The following ZNF804A variants were observed in gnomAD, a reference collection of about 807,000 sequenced individuals.
ZNF804A encodes zinc finger protein 804A.
Under a neutral mutation model 16.5 loss-of-function variants are expected in ZNF804A, and 2 were observed. The observed-to-expected ratio is 0.12, with a 90% CI of 0.05 to 0.38. ZNF804A has a LOEUF of 0.38. Among genes scored for constraint, ZNF804A ranks in the 10% least tolerant of loss-of-function variants. The pLI is 0.99. For missense variants in ZNF804A, 1,473 were observed against 1,390.7 expected (o/e 1.06, Z -0.94); for synonymous variants, 534 against 489.6 (o/e 1.09, Z -1.20).
chr2:184,789,815 C>T (rs1478954320), intron 1 of ZNF804A, among the ~76,000 whole-genome samples: 1 of 151,944 alleles, frequency 6.6e-6, no homozygotes, highest in South Asian at 2.1e-4. Flanking sequence ...TTTATTTAAT[C>T]TGTTTCATTC....
At chr2:184,684,598 T>TG (rs1692598292) in intron 1 of ZNF804A, among the ~76,000 whole-genome samples, 1 of 152,158 alleles carries the variant, frequency 6.6e-6, no homozygotes, top group Non-Finnish European at 1.5e-5. Context: ...TTTTACATAC[T>TG]GGGGGGTACA....
intron 1 of ZNF804A, among the ~76,000 whole-genome samples, chr2:184,799,557 C>T (rs1004518029): frequency 6.6e-6 from 1 of 152,000 alleles, no homozygotes; most frequent in Non-Finnish European, 1.5e-5. Context: ...GGTTTCACTC[C>T]TGTTGCCCAA....
chr2:184,689,115 T>C (rs1245187747), intron 1 of ZNF804A, among the ~76,000 whole-genome samples: 2 of 152,166 alleles, frequency 1.3e-5, no homozygotes, highest in Non-Finnish European at 1.5e-5. Flanking sequence ...CTGTGTTATG[T>C]GTTATTCCAT....
At chr2:184,895,002 T>C (rs895757098) in intron 2 of ZNF804A, among the ~76,000 whole-genome samples, 1 of 152,162 alleles carries the variant, frequency 6.6e-6, no homozygotes, top group African/African-American at 2.4e-5. Flanking sequence ...AAGTTCAAGA[T>C]TATTTACTGT....
intron 1 of ZNF804A, among the ~76,000 whole-genome samples, chr2:184,781,503 A>G (rs1694370813): frequency 6.6e-6 from 1 of 151,740 alleles, no homozygotes; most frequent in South Asian, 2.1e-4. Flanking sequence ...TAATAACACA[A>G]TGGTTTAAGT....
At position 184,665,900 on chromosome 2, in the gene ZNF804A, G is replaced by A. The variant is rs1267651377; in HGVS notation, c.111+66830G>A. The stretch of plus-strand genomic sequence containing the variant: ...GACGCCTCCTCTATCACATCCCTCT[G>A]GATTCCTTTCCTGCCTCCTTCTTCC... On this transcript the variant is annotated intron_variant, in intron 1 of 3. Transcript: ENST00000302277. Among the ~76,000 whole-genome samples, 3 of 152,068 alleles carry A rather than the reference G, an allele frequency of 2.0e-5. 1 individual carries two copies. Among genetic ancestry groups the A allele is most frequent in the Middle Eastern group, 6.3e-3 (2 of 316 alleles).
chr2:184,938,096 G>A lies in ZNF804A; in HGVS notation c.2700G>A (p.Met900Ile), dbSNP rs192749004. ...ATGGTGAAACTGAGCATTTAGAAAT[G>A]GAGACCACTTCTGGTGAATTGTCAG... The part of the protein sequence containing the change: ...ETNGETEHLE[M>I]ETTSGELSDV... The change falls in exon 4 of 4, where the codon ATG (methionine) becomes ATA (isoleucine). Residue 900 changes from methionine to isoleucine, a missense_variant. By Grantham distance (10) the Met-to-Ile change is conservative. Transcript: ENST00000302277. 3.4e-5 allele frequency: 55 copies of A among 1,614,070 alleles called. No individual in the cohort carries two copies. In the East Asian group the frequency reaches 1.2e-3, roughly 34 times the overall value.
intron 1 of ZNF804A, among the ~76,000 whole-genome samples, chr2:184,636,334 GAGAA>G (rs770430172): frequency 0.021 from 3,127 of 150,834 alleles, 49 homozygotes; most frequent in Admixed American, 0.033. Context: ...GAGAGAGAGA[GAGAA>G]AGAGAGAGAG....
intron 1 of ZNF804A, among the ~76,000 whole-genome samples, chr2:184,686,100 G>A (rs560095387): frequency 3.2e-4 from 48 of 152,304 alleles, no homozygotes; most frequent in African/African-American, 1.2e-3. Flanking sequence ...GTGGGTGCTG[G>A]GTGTGAGGAG....
intron 1 of ZNF804A, among the ~76,000 whole-genome samples, chr2:184,679,743 G>C (rs538394670): frequency 6.6e-6 from 1 of 152,268 alleles, no homozygotes; most frequent in South Asian, 2.1e-4. Flanking sequence ...GCCCCGATGA[G>C]CATGGGAAGA....
intron 2 of ZNF804A, among the ~76,000 whole-genome samples, chr2:184,874,961 A>G (rs1482457178): frequency 6.6e-6 from 1 of 152,206 alleles, no homozygotes; most frequent in Non-Finnish European, 1.5e-5. Context: ...AGCTTTACAT[A>G]ACAGGAAATA....
At chr2:184,676,838 T>A (rs1692444104) in intron 1 of ZNF804A, among the ~76,000 whole-genome samples, 1 of 151,886 alleles carries the variant, frequency 6.6e-6, no homozygotes, top group South Asian at 2.1e-4. Context: ...CTATGTTCAG[T>A]ACATCTTACA....
At chr2:184,826,032 A>G (rs185625202) in intron 1 of ZNF804A, among the ~76,000 whole-genome samples, 2 of 113,052 alleles carry the variant, frequency 1.8e-5, no homozygotes, top group Admixed American at 7.8e-5. Flanking sequence ...CCACCATGCC[A>G]GGCTATTTAT....
intron 1 of ZNF804A, among the ~76,000 whole-genome samples, chr2:184,832,502 A>G (rs1460484920): frequency 6.6e-6 from 1 of 152,038 alleles, no homozygotes; most frequent in Non-Finnish European, 1.5e-5. Flanking sequence ...TTTAATCATT[A>G]AAACTGTTCT....
At chr2:184,775,864 T>C (rs1439760030) in intron 1 of ZNF804A, among the ~76,000 whole-genome samples, 1 of 151,578 alleles carries the variant, frequency 6.6e-6, no homozygotes, top group Admixed American at 6.6e-5. Context: ...TAAATCTTTG[T>C]TCAGTTAGGT....
rs527636217 is a variant in ZNF804A at position 184,633,707 on chromosome 2, T to C, written c.111+34637T>C. Among the ~76,000 whole-genome samples the C allele has an allele frequency of 4.6e-5, 7 of 152,260 alleles. No individual in the cohort carries two copies. The South Asian group carries it at 1.5e-3, about 32-fold the overall frequency. Reference sequence around the variant, plus strand: ...AGAAATAGAATCAAATCTATACATTTTAGCGTTTTTGTAAACATAAAATAT... The same window carrying C: ...AGAAATAGAATCAAATCTATACATTCTAGCGTTTTTGTAAACATAAAATAT... On this transcript the variant is annotated intron_variant, in intron 1 of 3. Coordinates refer to ENST00000302277, the MANE Select transcript of ZNF804A (RefSeq NM_194250.2).
At chr2:184,691,439 G>GAT (rs1321056552) in intron 1 of ZNF804A, among the ~76,000 whole-genome samples, 1 of 151,226 alleles carries the variant, frequency 6.6e-6, no homozygotes, top group East Asian at 1.9e-4. Flanking sequence ...AGTAAATGTT[G>GAT]ATAATTATAC....
At chr2:184,923,967 T>C (rs1257506401) in intron 2 of ZNF804A, among the ~76,000 whole-genome samples, 1 of 151,758 alleles carries the variant, frequency 6.6e-6, no homozygotes, top group East Asian at 1.9e-4. Context: ...TTGAGGATTT[T>C]TGTATCAGTA....
intron 1 of ZNF804A, among the ~76,000 whole-genome samples, chr2:184,729,585 T>C (rs989564636): frequency 3.9e-5 from 6 of 152,090 alleles, no homozygotes; most frequent in Non-Finnish European, 8.8e-5. Flanking sequence ...CTGAAAATCA[T>C]ATTGCTGTGC....
Sources: gnomAD v4.1 joint callset for allele counts (sites outside exome capture counted in the v4.1 genomes callset) on GRCh38, gnomAD v4.1.1 for gene constraint, MANE v1.5 for transcripts, NCBI Gene and HGNC (gene_info 2026-07-23, HGNC 2026-07-21) for gene names.